Variants in DEPDC5 observed in about 807,000 individuals in gnomAD.
DEPDC5 encodes the protein GATOR1 complex protein DEPDC5.
Under a neutral mutation model 217.3 loss-of-function variants are expected in DEPDC5, and 73 were observed. The ratio of observed to expected loss-of-function variants is 0.34; its 90% CI spans 0.28 to 0.41. DEPDC5 has a LOEUF of 0.41. Ranked by LOEUF, DEPDC5 falls within the 10% of genes least tolerant of loss-of-function variation. DEPDC5 has a pLI of 1.00. For synonymous variants in DEPDC5, 733 were observed against 756.7 expected, an observed-to-expected ratio of 0.97 and a Z score of 0.51; for missense variants, 1,675 against 2,070.1, an observed-to-expected ratio of 0.81 and a Z score of 3.70.
At chr22:31,799,535 T>C (rs138939483) in intron 14 of DEPDC5, among the ~76,000 whole-genome samples, 5 of 150,402 alleles carry the variant, frequency 3.3e-5, no homozygotes, top group Admixed American at 2.0e-4. Context: ...CAGGCTGGAA[T>C]GTAGTGGTGC....
rs924341929 is a variant in DEPDC5, at chr22:31,755,062, C to T, written c.58+83C>T. 18 of 1,516,724 alleles carry T rather than the reference C, an allele frequency of 1.2e-5. No individual in the cohort carries two copies. In the Admixed American group the frequency reaches 2.4e-4, roughly 21 times the overall value. 94.0% of individuals were successfully genotyped at this position (1,516,724 alleles called of 1,614,324 possible). A position where few individuals can be genotyped will look rare whatever the true frequency, so the allele number is the denominator to read the frequency against. Reference sequence around the variant, plus strand: ...AATACCTAGAAATTACACACTGACTCGTGTGACAATTGAGGCTAAACAGGC... The same window carrying T: ...AATACCTAGAAATTACACACTGACTTGTGTGACAATTGAGGCTAAACAGGC... On this transcript the variant is annotated intron_variant, in intron 2 of 42. Coordinates refer to ENST00000651528, the MANE Select transcript of DEPDC5 (RefSeq NM_001242896.3).
intron 4 of DEPDC5, among the ~76,000 whole-genome samples, chr22:31,761,063 G>A (rs1356017555): frequency 6.6e-6 from 1 of 151,314 alleles, no homozygotes; most frequent in Non-Finnish European, 1.5e-5. Context: ...CTCACTGCAA[G>A]CTCCGCCTCC....
At chr22:31,850,366 A>G (rs546537162) in intron 31 of DEPDC5, among the ~76,000 whole-genome samples, 1 of 152,292 alleles carries the variant, frequency 6.6e-6, no homozygotes, top group South Asian at 2.1e-4. Context: ...GTACAGTGCA[A>G]TAAGATATTT....
intron 33 of DEPDC5, 26 bp from the exon 34 acceptor site, chr22:31,870,564 A>G (rs1223098247): frequency 6.8e-7 from 1 of 1,473,598 alleles, no homozygotes; most frequent in South Asian, 1.4e-5. Flanking sequence ...TTTGGAATCA[A>G]GTATTCATTT....
At chr22:31,824,456 T>C (rs888793341) in intron 24 of DEPDC5, among the ~76,000 whole-genome samples, 46 of 152,334 alleles carry the variant, frequency 3.0e-4, no homozygotes, top group African/African-American at 1.1e-3. Context: ...CCTAGAGGCC[T>C]ATGTCTAAGG....
intron 38 of DEPDC5, chr22:31,891,255 T>C (rs2093432376): frequency 3.7e-6 from 2 of 539,644 alleles, no homozygotes; most frequent in Non-Finnish European, 7.0e-6. Context: ...TCCTTTCTCT[T>C]TAATTACCTC....
intron 40 of DEPDC5, among the ~76,000 whole-genome samples, chr22:31,900,078 G>T (rs569040963): frequency 1.3e-5 from 2 of 152,060 alleles, no homozygotes; most frequent in African/African-American, 4.8e-5. Context: ...ATGGAGTCTT[G>T]CTCTGTCGCC....
chr22:31,840,794 G>A (rs1194713164), intron 27 of DEPDC5, among the ~76,000 whole-genome samples: 3 of 152,298 alleles, frequency 2.0e-5, no homozygotes, highest in East Asian at 3.9e-4. Flanking sequence ...TTATTCATCA[G>A]AGATTTATTG....
chr22:31,786,671 A>G (rs914756516), intron 10 of DEPDC5, among the ~76,000 whole-genome samples: 1 of 151,396 alleles, frequency 6.6e-6, no homozygotes, highest in African/African-American at 2.4e-5. Context: ...GTGCAGTGGT[A>G]CAATCATACT....
rs193129334 is a variant in DEPDC5 at position 31,847,255 on chromosome 22, G to A, written c.3155+288G>A. On this transcript the variant is annotated intron_variant, in intron 31 of 42. Coordinates refer to ENST00000651528, the MANE Select transcript of DEPDC5 (RefSeq NM_001242896.3). Reference sequence around the variant, plus strand: ...AGCCGGGGCCAGGTGTGGTGGCTCAGGCCTATAATCCCACCACTTTGGAAG... The same window carrying A: ...AGCCGGGGCCAGGTGTGGTGGCTCAAGCCTATAATCCCACCACTTTGGAAG... Among the ~76,000 whole-genome samples, 4 of 152,162 alleles carry A rather than the reference G, an allele frequency of 2.6e-5. No individual in the cohort carries two copies. The East Asian group carries it at 7.7e-4, about 29-fold the overall frequency.
At chr22:31,810,106 T>C (rs1174107579) in intron 19 of DEPDC5, among the ~76,000 whole-genome samples, 1 of 152,212 alleles carries the variant, frequency 6.6e-6, no homozygotes, top group African/African-American at 2.4e-5. Context: ...TTAATTACCT[T>C]GTATTTTTTC....
At chr22:31,800,137 T>G (rs781649842) in intron 14 of DEPDC5, among the ~76,000 whole-genome samples, 3 of 152,130 alleles carry the variant, frequency 2.0e-5, no homozygotes, top group African/African-American at 4.8e-5. Flanking sequence ...GCTTTTGTTT[T>G]TAAGATATTG....
chr22:31,854,604 C>G (rs2092194005), intron 31 of DEPDC5, among the ~76,000 whole-genome samples: 1 of 152,162 alleles, frequency 6.6e-6, no homozygotes, highest in African/African-American at 2.4e-5. Flanking sequence ...ATGGATCTAG[C>G]AAAGATTATC....
intron 24 of DEPDC5, among the ~76,000 whole-genome samples, chr22:31,830,876 C>A (rs988085517): frequency 6.6e-6 from 1 of 151,880 alleles, no homozygotes; most frequent in Non-Finnish European, 1.5e-5. Flanking sequence ...GCAAACTTGG[C>A]AGCCAAACCT....
intron 3 of DEPDC5, among the ~76,000 whole-genome samples, chr22:31,758,907 G>A (rs1397136692): frequency 1.4e-5 from 2 of 143,434 alleles, no homozygotes; most frequent in Non-Finnish European, 3.1e-5. Context: ...CCATTCCTTC[G>A]TTTTTTTTTT....
intron 33 of DEPDC5, among the ~76,000 whole-genome samples, chr22:31,862,489 C>G (rs1376279617): frequency 6.6e-6 from 1 of 151,826 alleles, no homozygotes; most frequent in East Asian, 1.9e-4. Flanking sequence ...CGCTTGAACC[C>G]AGGAGGCAGA....
intron 24 of DEPDC5, among the ~76,000 whole-genome samples, chr22:31,828,700 A>G (rs1158851026): frequency 6.6e-6 from 1 of 152,120 alleles, no homozygotes; most frequent in Non-Finnish European, 1.5e-5. Context: ...TTCATGGAAC[A>G]TGTTTTGCCT....
chr22:31,821,366 A>AGAGGGT (rs201690733), intron 22 of DEPDC5, 136 bp from the exon 23 acceptor site: 22,720 of 1,254,458 alleles, frequency 0.018, 247 homozygotes, highest in African/African-American at 0.04. Context: ...TTTGGGAGCC[A>AGAGGGT]CCCTCTGTGG....
intron 10 of DEPDC5, among the ~76,000 whole-genome samples, chr22:31,788,954 G>C (rs989058919): frequency 5.3e-5 from 8 of 152,076 alleles, no homozygotes; most frequent in Non-Finnish European, 1.0e-4. Flanking sequence ...GCAGTGCTGC[G>C]ATCTCGAACA....
Sources: gnomAD v4.1 joint callset for allele counts (sites outside exome capture counted in the v4.1 genomes callset) on GRCh38, gnomAD v4.1.1 for gene constraint, MANE v1.5 for transcripts, NCBI Gene and HGNC (gene_info 2026-07-23, HGNC 2026-07-21) for gene names.